MGAT4C: variants seen among roughly 807,000 people sequenced by gnomAD.
MGAT4C encodes the protein alpha-1,3-mannosyl-glycoprotein 4-beta-N-acetylglucosaminyltransferase C.
Under a neutral mutation model 40.1 loss-of-function variants are expected in MGAT4C, and 19 were observed. The observed-to-expected ratio is 0.47, with a 90% confidence interval of 0.33 to 0.70. The LOEUF is 0.70. MGAT4C is among the 30% of genes least tolerant of loss of function. The pLI, the probability that MGAT4C is intolerant of heterozygous loss-of-function variation, is 0.02. For synonymous variants in MGAT4C, 181 were observed against 187.1 expected (o/e 0.97, Z 0.27); for missense variants, 491 against 563.2 (o/e 0.87, Z 1.30).
intron 1 of MGAT4C, among the ~76,000 whole-genome samples, chr12:86,771,430 C>T (rs1399096788): frequency 2.0e-5 from 3 of 151,844 alleles, no homozygotes; most frequent in Non-Finnish European, 4.4e-5. Context: ...GTCTAGATTT[C>T]CTTGGAAAGA....
At chr12:86,645,749 G>C (rs1232760916) in intron 2 of MGAT4C, among the ~76,000 whole-genome samples, 5 of 151,660 alleles carry the variant, frequency 3.3e-5, no homozygotes, top group Non-Finnish European at 7.4e-5. Flanking sequence ...CTTGACAGCA[G>C]TGGCCTTTTA....
chr12:86,509,036 T>C (rs556281106), intron 2 of MGAT4C, among the ~76,000 whole-genome samples: 1 of 152,232 alleles, frequency 6.6e-6, no homozygotes, highest in East Asian at 1.9e-4. Context: ...TGGTAGTTTC[T>C]TTTGCTGTGC....
intron 1 of MGAT4C, among the ~76,000 whole-genome samples, chr12:86,238,707 CA>C (rs1447944608): frequency 6.6e-6 from 1 of 151,808 alleles, no homozygotes; most frequent in African/African-American, 2.4e-5. Context: ...TTTTCAGTCA[CA>C]AGAGAATGAA....
chr12:86,735,563 C>G (rs1950972467), intron 1 of MGAT4C, among the ~76,000 whole-genome samples: 1 of 151,650 alleles, frequency 6.6e-6, no homozygotes, highest in Non-Finnish European at 1.5e-5. Flanking sequence ...ATTTTGGGGT[C>G]AATGGAAGTA....
At chr12:85,982,818 T>A (rs1884761241) in intron 4 of MGAT4C, among the ~76,000 whole-genome samples, 1 of 152,154 alleles carries the variant, frequency 6.6e-6, no homozygotes. Flanking sequence ...TGGATTTAGA[T>A]GTGGACCATA....
At chr12:86,352,957 T>C (rs1455175932) in intron 3 of MGAT4C, among the ~76,000 whole-genome samples, 1 of 151,568 alleles carries the variant, frequency 6.6e-6, no homozygotes, top group East Asian at 1.9e-4. Flanking sequence ...ACATGGCACA[T>C]GTATACATAT....
intron 1 of MGAT4C, among the ~76,000 whole-genome samples, chr12:86,738,549 C>A (rs1283469368): frequency 1.3e-5 from 2 of 151,158 alleles, no homozygotes; most frequent in African/African-American, 4.8e-5. Context: ...TTAAATGAAT[C>A]ATGCCATTCA....
chr12:86,483,446 T>G (rs1467321760), intron 2 of MGAT4C, among the ~76,000 whole-genome samples: 1 of 152,080 alleles, frequency 6.6e-6, no homozygotes, highest in African/African-American at 2.4e-5. Context: ...TATAATTAGA[T>G]GAGTGTGTAT....
At chr12:86,450,698 C>T (rs1429399905) in intron 2 of MGAT4C, among the ~76,000 whole-genome samples, 1 of 151,898 alleles carries the variant, frequency 6.6e-6, no homozygotes, top group East Asian at 1.9e-4. Context: ...GGTGATCAAG[C>T]TTCTTTCTTT....
chr12:86,247,243 CTAAGAAA>C (rs1380589624), intron 1 of MGAT4C, among the ~76,000 whole-genome samples: 2 of 152,128 alleles, frequency 1.3e-5, no homozygotes, highest in Non-Finnish European at 2.9e-5. Context: ...TATTTATGCT[CTAAGAAA>C]GTCCACTCAA....
At chr12:86,758,390 T>TA (rs5799793) in intron 1 of MGAT4C, among the ~76,000 whole-genome samples, 55 of 129,248 alleles carry the variant, frequency 4.3e-4, no homozygotes, top group Non-Finnish European at 4.8e-4. Context: ...TTTTTTTTTT[T>TA]AAAAAAAAGA....
chr12:86,314,620 A>C (rs1365270548), intron 4 of MGAT4C, among the ~76,000 whole-genome samples: 1 of 152,260 alleles, frequency 6.6e-6, no homozygotes, highest in African/African-American at 2.4e-5. Context: ...TCAATGTACA[A>C]TAATCAGTGG....
intron 2 of MGAT4C, among the ~76,000 whole-genome samples, chr12:86,560,010 T>A (rs534418736): frequency 1.6e-4 from 24 of 152,004 alleles, no homozygotes; most frequent in Admixed American, 5.2e-4. Flanking sequence ...TAGAAACTGT[T>A]ATGAACAGCT....
At chr12:86,317,131 A>T (rs992121062) in intron 4 of MGAT4C, among the ~76,000 whole-genome samples, 5 of 152,120 alleles carry the variant, frequency 3.3e-5, no homozygotes, top group African/African-American at 1.2e-4. Context: ...CATAAGGCTA[A>T]TATTTTATAC....
intron 1 of MGAT4C, among the ~76,000 whole-genome samples, chr12:86,230,873 T>TC (rs1381424732): frequency 6.6e-6 from 1 of 151,504 alleles, no homozygotes; most frequent in East Asian, 1.9e-4. Context: ...CACTCCCTTT[T>TC]TTTTTTTTTA....
intron 2 of MGAT4C, chr12:86,016,154 C>T (rs570358681): frequency 4.6e-5 from 7 of 152,232 alleles, no homozygotes; most frequent in African/African-American, 1.4e-4. Flanking sequence ...CACATATCAA[C>T]GAAATGCACT....
At chr12:86,386,833 C>G (rs1302465281) in intron 3 of MGAT4C, among the ~76,000 whole-genome samples, 1 of 152,032 alleles carries the variant, frequency 6.6e-6, no homozygotes, top group Non-Finnish European at 1.5e-5. Flanking sequence ...TAGAAATTGT[C>G]TCTTCTTCTA....
intron 1 of MGAT4C, among the ~76,000 whole-genome samples, chr12:86,212,134 A>C (rs1023617014): frequency 6.6e-6 from 1 of 152,182 alleles, no homozygotes; most frequent in Non-Finnish European, 1.5e-5. Context: ...TAAGAAAGAC[A>C]AAGGAAAGAA....
intron 4 of MGAT4C, among the ~76,000 whole-genome samples, chr12:86,329,614 T>G (rs1306728902): frequency 6.6e-6 from 1 of 152,172 alleles, no homozygotes; most frequent in Non-Finnish European, 1.5e-5. Context: ...ACATCTGCAA[T>G]GTACTTTTGC....
Sources: allele counts gnomAD v4.1 joint callset (sites outside exome capture counted in the v4.1 genomes callset), GRCh38; gene constraint gnomAD v4.1.1; transcripts MANE v1.5; gene names NCBI Gene and HGNC (gene_info 2026-07-23, HGNC 2026-07-21).